The following HGSNAT variants were observed in gnomAD, a reference collection of about 807,000 sequenced individuals.
The protein encoded by HGSNAT is transmembrane protein 76.
A neutral mutation model predicts 85.2 loss-of-function variants in HGSNAT; 59 were observed. The ratio of observed to expected loss-of-function variants is 0.69; its 90% confidence interval spans 0.56 to 0.86. The LOEUF is 0.86. HGSNAT is among the 40% of genes least tolerant of loss of function. HGSNAT has a pLI of 0.00. For missense variants in HGSNAT, 756 were observed against 777.1 expected (o/e 0.97, Z 0.32); for synonymous variants, 321 against 304.5 (o/e 1.05, Z -0.56).
rs150946166 is a variant in HGSNAT at position 43,194,362 on chromosome 8, C to T, written c.1464+519C>T. 2.9e-4 allele frequency: 280 copies of T among 979,718 alleles called. No homozygotes were observed. In the African/African-American group the frequency reaches 4.6e-3, roughly 16 times the overall value. The allele number at this position is 979,718 out of a possible 1,614,324, so 60.7% of individuals were successfully genotyped here. On this transcript the variant is annotated intron_variant, in intron 14 of 17. Coordinates refer to ENST00000379644, the MANE Select transcript of HGSNAT (RefSeq NM_152419.3). ...GCAGTGAGCCTTGATTGCACCACTG[C>T]ACTCCTGGCTGGGCAACAGAGTGAG...
Position 43,198,058 on chromosome 8 carries a change from G to A in HGSNAT, c.1726+106G>A, listed in dbSNP as rs1044925979. 16 of 761,208 alleles carry A rather than the reference G, an allele frequency of 2.1e-5. No homozygotes were observed. In the East Asian group the frequency reaches 2.2e-4, roughly 10 times the overall value. 47.2% of individuals were successfully genotyped at this position (761,208 alleles called of 1,614,324 possible). On this transcript the variant is annotated intron_variant, in intron 17 of 17. Transcript: ENST00000379644. The stretch of plus-strand genomic sequence containing the variant: ...TGGGGTCTTGAGCCACTGCCCTAGC[G>A]GCAGGTGTCCAAAAGCCAGGCTGAG...
At chr8:43,164,270 T>C (rs1343775460) in intron 5 of HGSNAT, among the ~76,000 whole-genome samples, 1 of 152,210 alleles carries the variant, frequency 6.6e-6, no homozygotes, top group Non-Finnish European at 1.5e-5. Context: ...TGGAGGTCCA[T>C]TATTCAGGCA....
chr8:43,183,998 G>T (rs1247635820), intron 11 of HGSNAT, among the ~76,000 whole-genome samples: 1 of 152,150 alleles, frequency 6.6e-6, no homozygotes, highest in Non-Finnish European at 1.5e-5. Flanking sequence ...GTATTCCATG[G>T]TGTATATGTG....
At chr8:43,151,660 TTATAA>T (rs1440523822) in intron 2 of HGSNAT, among the ~76,000 whole-genome samples, 1 of 152,134 alleles carries the variant, frequency 6.6e-6, no homozygotes, top group African/African-American at 2.4e-5. Context: ...ATAATAAGGG[TTATAA>T]TATAAATACG....
intron 9 of HGSNAT, chr8:43,173,990 C>T (rs977934598): frequency 2.1e-4 from 61 of 296,658 alleles, no homozygotes; most frequent in Middle Eastern, 2.1e-3. Flanking sequence ...CTGAGGCAGG[C>T]GAATTACCTG....
chr8:43,170,778 G>A, intron 7 of HGSNAT, 84 bp downstream of exon 7: 2 of 825,556 alleles, frequency 2.4e-6, no homozygotes, highest in African/African-American at 1.7e-5. Flanking sequence ...TAGCTTTTAA[G>A]GACTTTTACA....
rs372262347 is a variant in HGSNAT at position 43,161,545 on chromosome 8, G to T, written c.563+38G>T. 27 of 1,509,132 alleles carry T rather than the reference G, an allele frequency of 1.8e-5. 2 individuals carry two copies. The Middle Eastern group carries it at 2.6e-3, about 146-fold the overall frequency. 93.5% of individuals were successfully genotyped at this position (1,509,132 alleles called of 1,614,324 possible). A position where few individuals can be genotyped will look rare whatever the true frequency, so the allele number is the denominator to read the frequency against. ...GGGAGGACGCCACTGGAAAGGCAGA[G>T]TATAGAAATAACACATTCAGAAGGG... On this transcript the variant is annotated intron_variant, in intron 5 of 17. Coordinates refer to ENST00000379644, the MANE Select transcript of HGSNAT (RefSeq NM_152419.3).
intron 2 of HGSNAT, among the ~76,000 whole-genome samples, chr8:43,149,115 C>CAAAA (rs1554528125): frequency 1.5e-4 from 12 of 78,828 alleles, no homozygotes; most frequent in African/African-American, 2.2e-4. Context: ...GACTCTGTCT[C>CAAAA]AAAAAATAAA....
chr8:43,153,072 C>G (rs920457254), intron 2 of HGSNAT, among the ~76,000 whole-genome samples: 10 of 149,642 alleles, frequency 6.7e-5, no homozygotes, highest in African/African-American at 2.4e-4. Flanking sequence ...AAAAAAGGCC[C>G]AAAAGGAGAT....
At chr8:43,161,819 A>G (rs1803276722) in intron 5 of HGSNAT, among the ~76,000 whole-genome samples, 1 of 152,252 alleles carries the variant, frequency 6.6e-6, no homozygotes, top group South Asian at 2.1e-4. Context: ...GAAGTGGCTC[A>G]TGACAATTTT....
In HGSNAT at chr8:43,200,713, C is replaced by T. The variant is rs1804890914; in HGVS notation, c.*1144C>T. 6.6e-6 allele frequency: 1 copy of T among 152,364 alleles called. No homozygotes were observed. The highest frequency in any genetic ancestry group is 2.4e-5 in the African/African-American group (1 of 41,464). 9.4% of individuals were successfully genotyped at this position (152,364 alleles called of 1,614,324 possible). ...GTTCATGGGAGGCATCGTCACCCTC[C>T]TGGGTGTTCTGTGGGAATTTCCTGT... On this transcript the variant is annotated 3_prime_UTR_variant, in exon 18 of 18. Coordinates refer to ENST00000379644, the MANE Select transcript of HGSNAT (RefSeq NM_152419.3).
chr8:43,148,069 C>G (rs139108067), intron 2 of HGSNAT, among the ~76,000 whole-genome samples: 345 of 152,038 alleles, frequency 2.3e-3, no homozygotes, highest in African/African-American at 7.3e-3. Flanking sequence ...ATGGAGAAAC[C>G]CTGTCTCTAC....
At chr8:43,140,776 A>C (rs1490207548) in intron 1 of HGSNAT, among the ~76,000 whole-genome samples, 162 bp downstream of exon 1, 1 of 151,866 alleles carries the variant, frequency 6.6e-6, no homozygotes, top group Non-Finnish European at 1.5e-5. Flanking sequence ...CGCGCCCCAG[A>C]CCGGAGGCCG....
At chr8:43,173,228 G>A (rs974809517) in intron 8 of HGSNAT, among the ~76,000 whole-genome samples, 1 of 151,926 alleles carries the variant, frequency 6.6e-6, no homozygotes, top group South Asian at 2.1e-4. Context: ...GGGCTCAAGC[G>A]ATCCTCCCAC....
At chr8:43,157,957 T>C (rs1246917621) in intron 2 of HGSNAT, among the ~76,000 whole-genome samples, 1 of 152,220 alleles carries the variant, frequency 6.6e-6, no homozygotes, top group African/African-American at 2.4e-5. Context: ...ATATGCACAT[T>C]AGATAAAATC....
intron 14 of HGSNAT, 126 bp downstream of exon 14, chr8:43,193,969 C>A: frequency 6.8e-7 from 1 of 1,463,420 alleles, no homozygotes; most frequent in South Asian, 1.5e-5. Context: ...CTAATATATT[C>A]TGTTATCTTT....
intron 2 of HGSNAT, among the ~76,000 whole-genome samples, chr8:43,154,743 T>A: frequency 6.6e-6 from 1 of 152,192 alleles, no homozygotes; most frequent in Non-Finnish European, 1.5e-5. Flanking sequence ...TATTTCTAGT[T>A]CTAGATCCCT....
intron 2 of HGSNAT, among the ~76,000 whole-genome samples, chr8:43,148,796 G>GAA (rs953905178): frequency 6.1e-5 from 7 of 114,000 alleles, no homozygotes; most frequent in African/African-American, 9.7e-5. Flanking sequence ...TCCGTCTCAA[G>GAA]AAAAAAAAAA....
chr8:43,142,725 T>A (rs1802589428), intron 1 of HGSNAT, among the ~76,000 whole-genome samples: 1 of 152,198 alleles, frequency 6.6e-6, no homozygotes, highest in African/African-American at 2.4e-5. Context: ...GTAGTTTTTT[T>A]AGAGCTTCCT....
Sources: allele counts gnomAD v4.1 joint callset (sites outside exome capture counted in the v4.1 genomes callset), GRCh38; gene constraint gnomAD v4.1.1; transcripts MANE v1.5; gene names NCBI Gene and HGNC (gene_info 2026-07-23, HGNC 2026-07-21).